Variants in IL1RAPL2 observed in about 807,000 individuals in gnomAD.
IL1RAPL2 encodes X-linked interleukin-1 receptor accessory protein-like 2.
In IL1RAPL2, 3 loss-of-function variants were observed where a neutral mutation model predicts 44.1. The ratio of observed to expected loss-of-function variants is 0.07; its 90% CI spans 0.03 to 0.18. The LOEUF is 0.18. Ranked by LOEUF, IL1RAPL2 falls within the 10% of genes least tolerant of loss-of-function variation. IL1RAPL2 has a pLI of 1.00. For missense variants in IL1RAPL2, 391 were observed against 496.4 expected (o/e 0.79, Z 2.02); for synonymous variants, 181 against 178.8 (o/e 1.01, Z -0.10).
chrX:104,696,154 A>C (rs754755903), intron 2 of IL1RAPL2, among the ~76,000 whole-genome samples: 3 of 112,050 alleles, frequency 2.7e-5, no homozygotes, highest in Non-Finnish European at 5.6e-5. Flanking sequence ...GTGTAAGTAA[A>C]TTGCCCAGAG....
At chrX:104,974,924 G>A (rs2030303758) in intron 2 of IL1RAPL2, among the ~76,000 whole-genome samples, 1 of 112,282 alleles carries the variant, frequency 8.9e-6, no homozygotes, top group South Asian at 3.7e-4. Context: ...TTCTGGCCCA[G>A]GGGCCTGCGA....
intron 1 of IL1RAPL2, among the ~76,000 whole-genome samples, chrX:104,637,272 C>G (rs1929834278): frequency 9.0e-6 from 1 of 110,997 alleles, no homozygotes; most frequent in South Asian, 3.8e-4. Flanking sequence ...AAAAGAGGGA[C>G]TATTTGACTT....
At chrX:105,276,058 A>G (rs2034483000) in intron 5 of IL1RAPL2, among the ~76,000 whole-genome samples, 1 of 112,463 alleles carries the variant, frequency 8.9e-6, no homozygotes, top group Admixed American at 9.4e-5. Context: ...TTCTAAAAGG[A>G]AAACGATTTA....
intron 8 of IL1RAPL2, among the ~76,000 whole-genome samples, chrX:105,743,236 C>T (rs1047637822): frequency 8.9e-6 from 1 of 111,936 alleles, no homozygotes; most frequent in Non-Finnish European, 1.9e-5. Context: ...ACCCTCCATT[C>T]ACAGTTCCTT....
At chrX:104,638,634 G>A (rs1237240096) in intron 1 of IL1RAPL2, among the ~76,000 whole-genome samples, 1 of 111,938 alleles carries the variant, frequency 8.9e-6, no homozygotes, top group Non-Finnish European at 1.9e-5. Flanking sequence ...TCAGGAGCAT[G>A]TGGTTTAATA....
chrX:105,580,057 T>C (rs1047627145), intron 6 of IL1RAPL2, among the ~76,000 whole-genome samples: 4 of 111,712 alleles, frequency 3.6e-5, no homozygotes, highest in Non-Finnish European at 7.5e-5. Context: ...TGCGAGTAAA[T>C]TGTTCAGGTA....
At chrX:104,762,569 TG>T (rs1409404782) in intron 2 of IL1RAPL2, among the ~76,000 whole-genome samples, 1 of 112,564 alleles carries the variant, frequency 8.9e-6, no homozygotes, top group Non-Finnish European at 1.9e-5. Context: ...AGTACCCCAG[TG>T]GGAACTCTGT....
intron 1 of IL1RAPL2, among the ~76,000 whole-genome samples, chrX:104,608,168 G>T (rs958327792): frequency 9.0e-6 from 1 of 110,514 alleles, no homozygotes; most frequent in Non-Finnish European, 1.9e-5. Context: ...TCGTAAGTGG[G>T]AGTTGAACAA....
At chrX:105,201,926 G>A (rs1431453314) in intron 3 of IL1RAPL2, among the ~76,000 whole-genome samples, 3 of 111,437 alleles carry the variant, frequency 2.7e-5, no homozygotes, top group Admixed American at 9.5e-5. Context: ...TTTCATTCCC[G>A]AAATGAAATG....
chrX:104,623,130 C>G (rs1298484426), intron 1 of IL1RAPL2, among the ~76,000 whole-genome samples: 1 of 111,059 alleles, frequency 9.0e-6, no homozygotes, highest in Admixed American at 9.7e-5. Flanking sequence ...TATCCACAGC[C>G]TGGAATAATC....
intron 2 of IL1RAPL2, among the ~76,000 whole-genome samples, chrX:104,817,888 A>G (rs1921179887): frequency 9.0e-6 from 1 of 111,350 alleles, no homozygotes; most frequent in South Asian, 3.8e-4. Flanking sequence ...AGATACAAGG[A>G]AGGATCAAGG....
intron 5 of IL1RAPL2, among the ~76,000 whole-genome samples, chrX:105,440,824 A>G (rs1264899377): frequency 9.0e-6 from 1 of 111,633 alleles, no homozygotes; most frequent in Non-Finnish European, 1.9e-5. Context: ...TAATTGAATC[A>G]TGGGGGGTGG....
At chrX:105,552,550 G>C (rs935265051) in intron 6 of IL1RAPL2, among the ~76,000 whole-genome samples, 3 of 111,844 alleles carry the variant, frequency 2.7e-5, no homozygotes, top group African/African-American at 9.8e-5. Context: ...GAATGTGAGT[G>C]GAAATGATGT....
chrX:105,757,745 A>T (rs1463062091), intron 10 of IL1RAPL2, among the ~76,000 whole-genome samples: 1 of 111,522 alleles, frequency 9.0e-6, no homozygotes, highest in Non-Finnish European at 1.9e-5. Flanking sequence ...TTCCTGAACG[A>T]GGAAATTCAT....
intron 5 of IL1RAPL2, among the ~76,000 whole-genome samples, chrX:105,416,649 T>TTA (rs1348099400): frequency 2.7e-5 from 3 of 112,243 alleles, no homozygotes; most frequent in Admixed American, 1.9e-4. Flanking sequence ...TTTTCTCTAC[T>TTA]GCCAGCCCTC....
chrX:104,981,055 T>TTG (rs199571900), intron 2 of IL1RAPL2, among the ~76,000 whole-genome samples: 2,371 of 97,314 alleles, frequency 0.024, 27 homozygotes, highest in African/African-American at 0.033. Flanking sequence ...TTCCAAGGTA[T>TTG]TGTGTGTGTG....
intron 2 of IL1RAPL2, among the ~76,000 whole-genome samples, chrX:105,001,413 C>G (rs2030848960): frequency 1.8e-5 from 2 of 111,132 alleles, no homozygotes; most frequent in East Asian, 5.7e-4. Context: ...TGGCCCTTTG[C>G]TATAGTTAAT....
intron 5 of IL1RAPL2, among the ~76,000 whole-genome samples, chrX:105,301,457 C>G (rs2034696990): frequency 9.0e-6 from 1 of 111,170 alleles, no homozygotes; most frequent in Non-Finnish European, 1.9e-5. Flanking sequence ...TTATTGACTA[C>G]AGTACCCCTG....
chrX:104,716,607 C>G (rs1201744986), intron 2 of IL1RAPL2, among the ~76,000 whole-genome samples: 1 of 110,368 alleles, frequency 9.1e-6, no homozygotes, highest in Non-Finnish European at 1.9e-5. Context: ...AAAAAATAGG[C>G]AAAGAACATT....
Sources: allele counts gnomAD v4.1 joint callset (sites outside exome capture counted in the v4.1 genomes callset), GRCh38; gene constraint gnomAD v4.1.1; transcripts MANE v1.5; gene names NCBI Gene and HGNC (gene_info 2026-07-23, HGNC 2026-07-21).